STK32A: variants seen among roughly 807,000 people sequenced by gnomAD.
The protein encoded by STK32A is serine/threonine-protein kinase 32A.
In STK32A, 41 loss-of-function variants were observed where a neutral mutation model predicts 53.2. The observed-to-expected ratio is 0.77, with a 90% CI of 0.60 to 1.00. The LOEUF (loss-of-function observed/expected upper bound fraction) is 1.00. Ranked by LOEUF, STK32A falls within the 50% of genes least tolerant of loss-of-function variation. STK32A has a pLI of 0.00. For missense variants in STK32A, 458 were observed against 485.8 expected (o/e 0.94, Z 0.54); for synonymous variants, 166 against 162.8 (o/e 1.02, Z -0.15).
the STK32A span, chr5:147,397,705 G>C: frequency 6.2e-7 from 1 of 1,614,170 alleles, no homozygotes; most frequent in South Asian, 1.1e-5. Flanking sequence ...CATAGTCGGA[G>C]AACGGGCTGC....
chr5:147,244,394 C>T lies in STK32A; in HGVS notation c.52+4708C>T, dbSNP rs548198726. ...GTTTTCAATTCTTTTGGGTATATAC[C>T]TAGTAGTGGAAGCACTGGATCATAT... On this transcript the variant is annotated intron_variant, in intron 2 of 12. Transcript: ENST00000397936. 1.2e-4 allele frequency among the ~76,000 whole-genome samples: 18 copies of T among 152,244 alleles called. No individual in the cohort carries two copies. The South Asian group carries it at 2.5e-3, about 21-fold the overall frequency.
At chr5:147,399,307 A>G in the STK32A span, 1 of 1,550,518 alleles carries the variant, frequency 6.4e-7, no homozygotes, top group Non-Finnish European at 8.7e-7. Context: ...ATATCAATTC[A>G]GGGCTTCTGA....
chr5:147,360,474 A>T (rs1403101836), intron 7 of STK32A, among the ~76,000 whole-genome samples: 1 of 144,122 alleles, frequency 6.9e-6, no homozygotes, highest in Non-Finnish European at 1.5e-5. Flanking sequence ...AAAAGAAAAA[A>T]AAAAGAAAGA....
At chr5:147,264,084 A>C (rs1754702446) in intron 2 of STK32A, among the ~76,000 whole-genome samples, 1 of 152,076 alleles carries the variant, frequency 6.6e-6, no homozygotes, top group Non-Finnish European at 1.5e-5. Flanking sequence ...ATAGTCAGCC[A>C]AACTATTAGT....
At chr5:147,244,401 T>C (rs1259320011) in intron 2 of STK32A, among the ~76,000 whole-genome samples, 2 of 152,230 alleles carry the variant, frequency 1.3e-5, no homozygotes, top group African/African-American at 4.8e-5. Context: ...TACCTAGTAG[T>C]GGAAGCACTG....
chr5:147,285,280 C>A (rs548656730), intron 4 of STK32A, among the ~76,000 whole-genome samples: 82 of 152,182 alleles, frequency 5.4e-4, no homozygotes, highest in African/African-American at 1.8e-3. Context: ...ATCGTCATCT[C>A]TCACCTTATA....
At chr5:147,308,493 T>C (rs1160074856) in intron 4 of STK32A, among the ~76,000 whole-genome samples, 5 of 152,208 alleles carry the variant, frequency 3.3e-5, no homozygotes, top group Non-Finnish European at 7.4e-5. Flanking sequence ...TTACTAATAG[T>C]GGCAGGTTCA....
At chr5:147,327,851 G>T (rs1249287448) in intron 5 of STK32A, among the ~76,000 whole-genome samples, 1 of 152,204 alleles carries the variant, frequency 6.6e-6, no homozygotes, top group Non-Finnish European at 1.5e-5. Context: ...AGCTCTGAGG[G>T]GAGCACGGGA....
At chr5:147,276,702 T>C (rs915367929) in intron 2 of STK32A, among the ~76,000 whole-genome samples, 3 of 152,184 alleles carry the variant, frequency 2.0e-5, no homozygotes, top group Non-Finnish European at 4.4e-5. Flanking sequence ...GCTTATGCTA[T>C]AGTGGATGAA....
chr5:147,303,640 G>A (rs1005025138), intron 4 of STK32A, among the ~76,000 whole-genome samples: 6 of 152,094 alleles, frequency 3.9e-5, no homozygotes, highest in African/African-American at 7.2e-5. Flanking sequence ...ACAATCCACC[G>A]TAATACATAA....
chr5:147,238,237 T>G (rs1427334665), intron 1 of STK32A, among the ~76,000 whole-genome samples: 1 of 152,228 alleles, frequency 6.6e-6, no homozygotes, highest in Admixed American at 6.5e-5. Flanking sequence ...GTGGTGACAA[T>G]CTGTTTGATC....
intron 4 of STK32A, among the ~76,000 whole-genome samples, chr5:147,305,282 A>G (rs1753347783): frequency 6.6e-6 from 1 of 152,146 alleles, no homozygotes; most frequent in Admixed American, 6.5e-5. Context: ...AGTCTTGCCA[A>G]CAACCTCCTG....
In STK32A at chr5:147,331,377, A is replaced by G. The variant is rs561573035; in HGVS notation, c.434+7306A>G. Among the ~76,000 whole-genome samples the G allele has an allele frequency of 5.6e-4, 85 of 152,278 alleles. No individual in the cohort carries two copies. In the South Asian group the frequency reaches 0.015, roughly 27 times the overall value. Reference sequence around the variant, plus strand: ...GGGATTAAGCAACTTGCCAATATACAGTCAGTATATGGGGACCAGATTCAA... The same window carrying G: ...GGGATTAAGCAACTTGCCAATATACGGTCAGTATATGGGGACCAGATTCAA... On this transcript the variant is annotated intron_variant, in intron 5 of 12. Coordinates refer to ENST00000397936, the MANE Select transcript of STK32A (RefSeq NM_001112724.2).
chr5:147,268,085 G>C (rs544030702), intron 2 of STK32A, among the ~76,000 whole-genome samples: 35 of 152,268 alleles, frequency 2.3e-4, no homozygotes, highest in African/African-American at 7.0e-4. Context: ...ATGTATTTGT[G>C]TGATTTTGAT....
chr5:147,343,951 A>C (rs1371060462), intron 6 of STK32A, among the ~76,000 whole-genome samples: 1 of 152,220 alleles, frequency 6.6e-6, no homozygotes, highest in African/African-American at 2.4e-5. Context: ...CCTCTAGAAT[A>C]AGCTTTTGCC....
chr5:147,351,467 A>G (rs1755973486), intron 7 of STK32A, among the ~76,000 whole-genome samples: 1 of 152,166 alleles, frequency 6.6e-6, no homozygotes, highest in East Asian at 1.9e-4. Context: ...ACTGTTTCAG[A>G]TGCCGGTGAC....
At chr5:147,248,440 G>A (rs1055664909) in intron 2 of STK32A, among the ~76,000 whole-genome samples, 2 of 152,094 alleles carry the variant, frequency 1.3e-5, no homozygotes, top group East Asian at 3.9e-4. Context: ...TGCTATTTTT[G>A]TAAGATATAT....
At chr5:147,331,472 A>G (rs761192890) in intron 5 of STK32A, among the ~76,000 whole-genome samples, 2 of 152,182 alleles carry the variant, frequency 1.3e-5, no homozygotes, top group Non-Finnish European at 2.9e-5. Context: ...TTATAATAAT[A>G]AGATATCCTC....
chr5:147,288,624 A>G (rs1054911372), intron 4 of STK32A, among the ~76,000 whole-genome samples: 1 of 152,128 alleles, frequency 6.6e-6, no homozygotes, highest in African/African-American at 2.4e-5. Flanking sequence ...GAGCAGGAGC[A>G]AGAGAGAGGA....
Sources: gnomAD v4.1 joint callset for allele counts (sites outside exome capture counted in the v4.1 genomes callset) on GRCh38, gnomAD v4.1.1 for gene constraint, MANE v1.5 for transcripts, NCBI Gene and HGNC (gene_info 2026-07-23, HGNC 2026-07-21) for gene names.